The following NKAIN3 variants were observed in gnomAD, a reference collection of about 807,000 sequenced individuals.
NKAIN3 encodes sodium/potassium transporting ATPase interacting 3.
NKAIN3 carries 25 observed loss-of-function variants against 30.2 expected under a neutral mutation model. The observed-to-expected ratio is 0.83, with a 90% CI of 0.60 to 1.16. NKAIN3 has a LOEUF of 1.16. Among genes scored for constraint, NKAIN3 ranks in the 50% most tolerant of loss-of-function variants. The pLI is 0.00. For missense variants in NKAIN3, 225 were observed against 254.1 expected (o/e 0.89, Z 0.78); for synonymous variants, 91 against 89.6 (o/e 1.02, Z -0.09).
intron 5 of NKAIN3, among the ~76,000 whole-genome samples, chr8:62,998,065 T>A (rs1347948451): frequency 6.6e-6 from 1 of 152,174 alleles, no homozygotes; most frequent in Non-Finnish European, 1.5e-5. Context: ...TTTAGGGCCA[T>A]TCACATCAGC....
chr8:62,456,260 G>A (rs1432884196), intron 1 of NKAIN3, among the ~76,000 whole-genome samples: 3 of 152,168 alleles, frequency 2.0e-5, no homozygotes, highest in Non-Finnish European at 2.9e-5. Flanking sequence ...AGGGGCTCAC[G>A]CCTGTAATCC....
At chr8:62,431,491 C>T (rs976931516) in intron 1 of NKAIN3, among the ~76,000 whole-genome samples, 2 of 151,498 alleles carry the variant, frequency 1.3e-5, no homozygotes, top group Non-Finnish European at 3.0e-5. Flanking sequence ...GGTATATGAC[C>T]GATAGTAAAC....
rs552198780 is a variant in NKAIN3 at position 62,288,620 on chromosome 8, T to G, written c.54+39493T>G. Among the ~76,000 whole-genome samples the G allele has an allele frequency of 3.1e-3, 477 of 152,320 alleles. 4 individuals are homozygous for G. Among genetic ancestry groups the G allele is most frequent in the African/African-American group, 0.011 (466 of 41,568 alleles). ...TATTCCATGGTGTGTATGTGCCACA[T>G]TTTCTTAATCCAGTCTATCATTGAT... On this transcript the variant is annotated intron_variant, in intron 1 of 6. Coordinates refer to ENST00000623646, the MANE Select transcript of NKAIN3 (RefSeq NM_001304533.3).
At chr8:62,415,137 AT>A (rs369345250) in intron 1 of NKAIN3, among the ~76,000 whole-genome samples, 20 of 65,896 alleles carry the variant, frequency 3.0e-4, no homozygotes, top group African/African-American at 8.1e-4. Flanking sequence ...ATACTATAGT[AT>A]ATATGTATTA....
At chr8:62,571,452 C>A (rs1395762205) in intron 1 of NKAIN3, among the ~76,000 whole-genome samples, 1 of 152,142 alleles carries the variant, frequency 6.6e-6, no homozygotes, top group Non-Finnish European at 1.5e-5. Flanking sequence ...GTGTCTGCAG[C>A]TTTTCCAGGC....
At chr8:62,758,326 G>A (rs1267338552) in intron 4 of NKAIN3, among the ~76,000 whole-genome samples, 1 of 152,102 alleles carries the variant, frequency 6.6e-6, no homozygotes, top group Non-Finnish European at 1.5e-5. Context: ...GTTGTATAAG[G>A]TCTGTGGATT....
intron 3 of NKAIN3, among the ~76,000 whole-genome samples, chr8:62,601,727 G>T (rs1445593908): frequency 6.6e-6 from 1 of 151,972 alleles, no homozygotes; most frequent in African/African-American, 2.4e-5. Flanking sequence ...GAGAACAAAA[G>T]CCTGAAAATG....
chr8:62,566,232 A>C (rs1809745876), intron 1 of NKAIN3, among the ~76,000 whole-genome samples: 1 of 152,134 alleles, frequency 6.6e-6, no homozygotes, highest in Non-Finnish European at 1.5e-5. Context: ...AGGTGCCTTG[A>C]ATATGCTTGT....
intron 3 of NKAIN3, among the ~76,000 whole-genome samples, chr8:62,684,798 G>A (rs770390690): frequency 6.6e-6 from 1 of 152,124 alleles, no homozygotes; most frequent in East Asian, 1.9e-4. Context: ...TATGAGAAAA[G>A]GAGATTATGA....
At chr8:62,786,506 T>C (rs1817523816) in intron 4 of NKAIN3, among the ~76,000 whole-genome samples, 1 of 151,772 alleles carries the variant, frequency 6.6e-6, no homozygotes, top group Non-Finnish European at 1.5e-5. Context: ...AAAGGATTCA[T>C]GTTGAATTAC....
chr8:62,385,886 A>G (rs1377879613), intron 1 of NKAIN3, among the ~76,000 whole-genome samples: 5 of 152,154 alleles, frequency 3.3e-5, no homozygotes. Flanking sequence ...GCATCTGTAC[A>G]TGCACCATCG....
chr8:62,345,688 C>T (rs1815981603), intron 1 of NKAIN3, among the ~76,000 whole-genome samples: 1 of 150,326 alleles, frequency 6.7e-6, no homozygotes, highest in South Asian at 2.1e-4. Context: ...ATATACCAGA[C>T]TATATATAAT....
At chr8:62,786,012 T>G (rs1375918275) in intron 4 of NKAIN3, among the ~76,000 whole-genome samples, 1 of 151,962 alleles carries the variant, frequency 6.6e-6, no homozygotes, top group Non-Finnish European at 1.5e-5. Context: ...AGAGAGCAAA[T>G]CATGCTTTCA....
chr8:62,612,556 G>A (rs1811329571), intron 3 of NKAIN3, among the ~76,000 whole-genome samples: 1 of 149,350 alleles, frequency 6.7e-6, no homozygotes, highest in African/African-American at 2.5e-5. Flanking sequence ...TTTTAATCCA[G>A]TAAGTCAGTC....
chr8:62,389,022 C>T lies in NKAIN3; in HGVS notation c.54+139895C>T, dbSNP rs188307028. Among the ~76,000 whole-genome samples the T allele has an allele frequency of 4.7e-4, 72 of 152,282 alleles. No individual in the cohort carries two copies. The East Asian group carries it at 0.012, about 25-fold the overall frequency. On this transcript the variant is annotated intron_variant, in intron 1 of 6. Transcript: ENST00000623646. ...CCTCCAGGGAGCAGCCCGTATTGAGCTCACCTGCTTTTCTGTGGGTAGAGA... is the reference window on the plus strand; with the variant it reads ...CCTCCAGGGAGCAGCCCGTATTGAGTTCACCTGCTTTTCTGTGGGTAGAGA...
Position 62,883,457 on chromosome 8 carries a change from G to GTTGTTGTTTTTTTTTTTTTTTTTT in NKAIN3, c.472-34994_472-34993insGTTGTTTTTTTTTTTTTTTTTTTT. ...TTTATTATTTCCAGGAGTTTTATGG[G>GTTGTTGTTTTTTTTTTTTTTTTTT]TTTTTTTTTTTTTTTTCAGATTTTC... is the stretch of plus-strand genomic sequence containing the variant. On this transcript the variant is annotated intron_variant, in intron 4 of 6. Coordinates refer to ENST00000623646, the MANE Select transcript of NKAIN3 (RefSeq NM_001304533.3). Among the ~76,000 whole-genome samples the GTTGTTGTTTTTTTTTTTTTTTTTT allele has an allele frequency of 6.6e-4, 46 of 70,216 alleles. 6 individuals carry two copies. The highest frequency in any genetic ancestry group is 2.4e-3 in the East Asian group (4 of 1,698). The allele number at this position is 70,216 out of a possible 152,430, so 46.1% of individuals were successfully genotyped here.
At chr8:62,679,190 A>T (rs1813574485) in intron 3 of NKAIN3, among the ~76,000 whole-genome samples, 1 of 152,208 alleles carries the variant, frequency 6.6e-6, no homozygotes, top group Non-Finnish European at 1.5e-5. Context: ...GGGCAGCACA[A>T]AATGGCAGAA....
chr8:62,741,571 A>G (rs1586150915), intron 3 of NKAIN3, among the ~76,000 whole-genome samples: 1 of 152,082 alleles, frequency 6.6e-6, no homozygotes, highest in Non-Finnish European at 1.5e-5. Context: ...TCCACCAACA[A>G]CCTGTATTAA....
At chr8:62,618,766 C>T (rs1324767044) in intron 3 of NKAIN3, among the ~76,000 whole-genome samples, 2 of 151,984 alleles carry the variant, frequency 1.3e-5, no homozygotes, top group Non-Finnish European at 2.9e-5. Context: ...ATTAGCCGGG[C>T]ATGGTGGTGG....
Sources: gnomAD v4.1 joint callset for allele counts (sites outside exome capture counted in the v4.1 genomes callset) on GRCh38, gnomAD v4.1.1 for gene constraint, MANE v1.5 for transcripts, NCBI Gene and HGNC (gene_info 2026-07-23, HGNC 2026-07-21) for gene names.